Variants in UGT1A5 observed in about 807,000 individuals in gnomAD.
UGT1A5 encodes the protein UDP glucuronosyltransferase family 1 member A5.
Under a neutral mutation model 40.3 loss-of-function variants are expected in UGT1A5, and 29 were observed. That is an observed-to-expected ratio of 0.72 (90% confidence interval 0.54 to 0.98). The LOEUF is 0.98. Among genes scored for constraint, UGT1A5 ranks in the 50% least tolerant of loss-of-function variants. The pLI, the probability that UGT1A5 is intolerant of heterozygous loss-of-function variation, is 0.00. For synonymous variants in UGT1A5, 257 were observed against 262.5 expected (o/e 0.98, Z 0.20); for missense variants, 678 against 677.9 (o/e 1.00, Z 0.00).
intron 1 of UGT1A5, chr2:233,719,611 A>G: frequency 6.2e-7 from 1 of 1,613,980 alleles, no homozygotes; most frequent in Non-Finnish European, 8.5e-7. Flanking sequence ...TTTGTGATGG[A>G]CTACCCCAGG....
Position 233,767,101 on chromosome 2 carries a change from T to C in UGT1A5, c.935T>C (p.Val312Ala). ...GIVVFSLGSM[V>A]SEIPEKKAMA... ...GTGGTTTTCTCTTTGGGATCAATGG[T>C]CTCAGAAATTCCAGAGAAGAAAGCT... Residue 312 changes from valine to alanine, a missense_variant, in exon 2 of 5, where the codon GTC (valine) becomes GCC (alanine). Val to Ala is a moderately conservative substitution (Grantham distance 64). Coordinates refer to ENST00000373414, the MANE Select transcript of UGT1A5 (RefSeq NM_019078.2). The C allele has an allele frequency of 6.2e-7, 1 of 1,614,160 alleles. No individual in the cohort carries two copies. The highest frequency in any genetic ancestry group is 8.5e-7 in the Non-Finnish European group (1 of 1,180,020).
chr2:233,757,582 G>C (rs1357461838), intron 1 of UGT1A5, among the ~76,000 whole-genome samples: 2 of 95,184 alleles, frequency 2.1e-5, no homozygotes, highest in Non-Finnish European at 4.3e-5. Context: ...TATAGCTATA[G>C]TCTAATAGCA....
chr2:233,753,368 C>G (rs1222809761), intron 1 of UGT1A5: 1 of 152,204 alleles, frequency 6.6e-6, no homozygotes, highest in Non-Finnish European at 1.5e-5. Context: ...GGGTGCCATT[C>G]CATGCAGATT....
In UGT1A5 at chr2:233,747,979, T is replaced by C. The variant is rs1334158075; in HGVS notation, c.868-19055T>C. 3.7e-6 allele frequency: 6 copies of C among 1,613,558 alleles called. No homozygotes were observed. The East Asian group carries it at 1.3e-4, about 36-fold the overall frequency. ...CTTCTCAGCCATGCATCTGTGTGGCTGTTCCGAGGGGACTTTGTGATGGAT... is the reference window on the plus strand; with the variant it reads ...CTTCTCAGCCATGCATCTGTGTGGCCGTTCCGAGGGGACTTTGTGATGGAT... On this transcript the variant is annotated intron_variant, in intron 1 of 4. Transcript: ENST00000373414.
At chr2:233,761,102 T>C (rs1487885628) in intron 1 of UGT1A5, 1 of 1,614,116 alleles carries the variant, frequency 6.2e-7, no homozygotes, top group Admixed American at 1.7e-5. Context: ...ATGCCCAATA[T>C]GGTTTTTGTT....
At position 233,729,868 on chromosome 2, in the gene UGT1A5, A is replaced by C. The variant is rs754430297; in HGVS notation, c.867+16010A>C. On this transcript the variant is annotated intron_variant, in intron 1 of 4. Coordinates refer to ENST00000373414, the MANE Select transcript of UGT1A5 (RefSeq NM_019078.2). ...TCAGAGAGAGGTGTCAGTGGTGGAT[A>C]TTCTCAGTCATGCATCTGTGTGGCT... is the stretch of plus-strand genomic sequence containing the variant. The C allele has an allele frequency of 2.6e-5, 42 of 1,613,556 alleles. No individual in the cohort carries two copies. The highest frequency in any genetic ancestry group is 8.3e-5 in the Admixed American group (5 of 59,972).
intron 1 of UGT1A5, among the ~76,000 whole-genome samples, chr2:233,727,274 G>C (rs779419718): frequency 6.6e-6 from 1 of 152,104 alleles, no homozygotes; most frequent in Non-Finnish European, 1.5e-5. Context: ...CTCATCTCCA[G>C]ACCCTGGAAG....
At chr2:233,744,063 A>G (rs181200285) in intron 1 of UGT1A5, 66 of 569,246 alleles carry the variant, frequency 1.2e-4, no homozygotes, top group East Asian at 7.6e-4. Flanking sequence ...GTCGAGGCCT[A>G]TGAGCGCCTC....
Position 233,769,204 on chromosome 2 carries a change from CA to C in UGT1A5, c.1307+766del, listed in dbSNP as rs1195031897. 1.3e-5 allele frequency among the ~76,000 whole-genome samples: 2 copies of C among 152,164 alleles called. No individual in the cohort carries two copies. The highest frequency in any genetic ancestry group is 4.8e-5 in the African/African-American group (2 of 41,440). ...TGAATGAAGGAGCTATAAGATATCA[CA>C]GACAAAGTCTTAGAATAAGAGCAAA... On this transcript the variant is annotated intron_variant, in intron 4 of 4. Transcript: ENST00000373414. This position sits in a 1 kb window ranked among gnomAD's most constrained non-coding sequence, Gnocchi z 4.4.
At chr2:233,729,220 T>C (rs754967236) in intron 1 of UGT1A5, 8 of 1,613,996 alleles carry the variant, frequency 5.0e-6, no homozygotes, top group Admixed American at 3.3e-5. Context: ...TGGAAAGGTG[T>C]TGGTGGTGCC....
At position 233,713,084 on chromosome 2, in the gene UGT1A5, G is replaced by A; in HGVS notation, c.93G>A (p.Val31=). 6.2e-7 allele frequency: 1 copy of A among 1,614,196 alleles called. No individual in the cohort carries two copies. The highest frequency in any genetic ancestry group is 1.3e-5 in the African/African-American group (1 of 75,070). The change falls in exon 1 of 5, where the codon GTG becomes GTA. Residue 31 remains valine (V), a synonymous_variant. Coordinates refer to ENST00000373414, the MANE Select transcript of UGT1A5 (RefSeq NM_019078.2). ...SVQPWAESGK[V]LVVPTDGSHW... ...AGCCCTGGGCTGAGAGTGGGAAGGT[G>A]CTGGTGGTGCCCACTGATGGCAGCC...
At chr2:233,737,571 C>T (rs1014151357) in intron 1 of UGT1A5, among the ~76,000 whole-genome samples, 3 of 152,196 alleles carry the variant, frequency 2.0e-5, no homozygotes, top group African/African-American at 7.2e-5. Flanking sequence ...CACCCACTAT[C>T]CAACCAGTCC....
Position 233,769,630 on chromosome 2 carries a change from A to G in UGT1A5, c.1307+1191A>G, listed in dbSNP as rs528146282. 1.2e-5 allele frequency: 19 copies of G among 1,611,880 alleles called. 1 individual carries two copies. The Admixed American group carries it at 2.5e-4, about 21-fold the overall frequency. ...CACACCAGCTTGAGCAAGGGACAAC[A>G]GGGGAGGACTGATGACTGACTTCCC... On this transcript the variant is annotated intron_variant, in intron 4 of 4. Coordinates refer to ENST00000373414, the MANE Select transcript of UGT1A5 (RefSeq NM_019078.2). This position sits in a 1 kb window ranked among gnomAD's most constrained non-coding sequence, Gnocchi z 4.4.
chr2:233,760,934 C>A (rs907848517), intron 1 of UGT1A5: 10 of 1,614,178 alleles, frequency 6.2e-6, no homozygotes, highest in Non-Finnish European at 8.5e-6. Flanking sequence ...ATGCTCATTG[C>A]CTTTTCACAG....
chr2:233,721,241 A>G (rs2076930397), intron 1 of UGT1A5, among the ~76,000 whole-genome samples: 1 of 152,202 alleles, frequency 6.6e-6, no homozygotes, highest in African/African-American at 2.4e-5. Context: ...ACTGAATTGT[A>G]AAAAATATAT....
At chr2:233,745,894 T>G (rs1160883177) in intron 1 of UGT1A5, among the ~76,000 whole-genome samples, 1 of 150,898 alleles carries the variant, frequency 6.6e-6, no homozygotes, top group African/African-American at 2.5e-5. Context: ...TGGGGTGGCG[T>G]TTTTCAGGGA....
At chr2:233,759,575 A>C (rs1346908637) in intron 1 of UGT1A5, among the ~76,000 whole-genome samples, 4 of 151,412 alleles carry the variant, frequency 2.6e-5, no homozygotes, top group South Asian at 2.1e-4. Context: ...GTCATTCTCT[A>C]CCCCAGCACG....
intron 1 of UGT1A5, among the ~76,000 whole-genome samples, chr2:233,766,023 T>C (rs1365175031): frequency 6.6e-6 from 1 of 152,110 alleles, no homozygotes; most frequent in Non-Finnish European, 1.5e-5. Context: ...TTCTTTTAGT[T>C]TTGCCCTCTA....
At chr2:233,724,269 C>T (rs1414363673) in intron 1 of UGT1A5, among the ~76,000 whole-genome samples, 11 of 124,848 alleles carry the variant, frequency 8.8e-5, no homozygotes, top group South Asian at 3.1e-4. Context: ...CCGGACGGGG[C>T]GGCTGGCCGG....
Sources: allele counts gnomAD v4.1 joint callset (sites outside exome capture counted in the v4.1 genomes callset), GRCh38; gene constraint gnomAD v4.1.1; non-coding constraint Gnocchi (gnomAD v3.1); transcripts MANE v1.5; gene names NCBI Gene and HGNC (gene_info 2026-07-23, HGNC 2026-07-21).